Variants in ALDH1L1 observed in about 807,000 individuals in gnomAD.
The protein encoded by ALDH1L1 is cytosolic 10-formyltetrahydrofolate dehydrogenase.
In ALDH1L1, 68 loss-of-function variants were observed where a neutral mutation model predicts 101.1. The observed-to-expected ratio is 0.67, with a 90% confidence interval of 0.55 to 0.82. ALDH1L1 has a LOEUF of 0.82. Among genes scored for constraint, ALDH1L1 ranks in the 40% least tolerant of loss-of-function variants. ALDH1L1 has a pLI of 0.00. For missense variants in ALDH1L1, 1,087 were observed against 1,172.7 expected (o/e 0.93, Z 1.07); for synonymous variants, 486 against 470.8 (o/e 1.03, Z -0.42).
intron 20 of ALDH1L1, among the ~76,000 whole-genome samples, chr3:126,109,235 T>C (rs1226025418): frequency 6.6e-6 from 1 of 152,180 alleles, no homozygotes; most frequent in Non-Finnish European, 1.5e-5. Flanking sequence ...AAGACAGTCA[T>C]GGCACCTGTC....
chr3:126,161,526 G>A (rs922683540), intron 1 of ALDH1L1, among the ~76,000 whole-genome samples: 17 of 152,324 alleles, frequency 1.1e-4, no homozygotes, highest in African/African-American at 3.4e-4. Context: ...AGGGGCCTGC[G>A]TGGGGGCGCC....
chr3:126,118,812 C>G (rs1287420418), intron 16 of ALDH1L1, among the ~76,000 whole-genome samples: 1 of 152,122 alleles, frequency 6.6e-6, no homozygotes, highest in African/African-American at 2.4e-5. Flanking sequence ...AGAGGCCTTG[C>G]CACCTGCTGT....
At chr3:126,131,647 C>T in intron 12 of ALDH1L1, 113 bp from the exon 13 acceptor site, 1 of 1,261,114 alleles carries the variant, frequency 7.9e-7, no homozygotes, top group Non-Finnish European at 1.1e-6. Flanking sequence ...CCAGTTCTGC[C>T]ACTCTCAGAT....
intron 8 of ALDH1L1, among the ~76,000 whole-genome samples, chr3:126,149,135 A>G (rs919817382): frequency 6.6e-6 from 1 of 152,212 alleles, no homozygotes; most frequent in Non-Finnish European, 1.5e-5. Flanking sequence ...ACTGGAATAA[A>G]GTCTCTGTTC....
intron 9 of ALDH1L1, among the ~76,000 whole-genome samples, chr3:126,146,552 AG>A (rs2080686506): frequency 6.6e-6 from 1 of 152,166 alleles, no homozygotes; most frequent in Non-Finnish European, 1.5e-5. Flanking sequence ...CTATGAACTC[AG>A]TACTGTTCTT....
At chr3:126,141,433 C>T (rs1299663008) in intron 9 of ALDH1L1, among the ~76,000 whole-genome samples, 3 of 152,050 alleles carry the variant, frequency 2.0e-5, no homozygotes, top group Non-Finnish European at 4.4e-5. Flanking sequence ...GAACATTCTT[C>T]ATGATAAATC....
At chr3:126,165,661 T>C (rs2081152478) in intron 1 of ALDH1L1, among the ~76,000 whole-genome samples, 1 of 152,214 alleles carries the variant, frequency 6.6e-6, no homozygotes, top group Non-Finnish European at 1.5e-5. Context: ...GGAGATTGTG[T>C]GTTTCTAGGA....
chr3:126,186,778 G>A (rs1206469681), intron 1 of ALDH1L1, among the ~76,000 whole-genome samples: 1 of 152,168 alleles, frequency 6.6e-6, no homozygotes, highest in African/African-American at 2.4e-5. Flanking sequence ...TGGACCAGAG[G>A]GATCCGCAGA....
At chr3:126,127,361 G>A (rs1356900396) in intron 14 of ALDH1L1, among the ~76,000 whole-genome samples, 1 of 152,162 alleles carries the variant, frequency 6.6e-6, no homozygotes, top group African/African-American at 2.4e-5. Context: ...AGACTGAGTG[G>A]ACATCCAGTG....
At chr3:126,180,711 C>G (rs2081461264), upstream of ALDH1L1, 2 of 1,394,440 alleles carry the variant, frequency 1.4e-6, no homozygotes, top group African/African-American at 1.4e-5. Flanking sequence ...GAGCGCAGCG[C>G]ACCCTCTCCG....
intron 19 of ALDH1L1, among the ~76,000 whole-genome samples, chr3:126,111,922 G>A (rs1946091540): frequency 6.6e-6 from 1 of 152,196 alleles, no homozygotes; most frequent in Non-Finnish European, 1.5e-5. Context: ...GCTGAGGCCT[G>A]GCTCGTGTCA....
rs1199805492 is a variant in ALDH1L1, at chr3:126,125,628, G to C, written c.1788C>G (p.Ile596Met). The C allele has an allele frequency of 6.3e-7, 1 of 1,588,552 alleles. No individual in the cohort carries two copies. The highest frequency in any genetic ancestry group is 2.3e-5 in the East Asian group (1 of 43,170). The change falls in exon 15 of 23, where the codon ATC becomes ATG. Residue 596 changes from isoleucine (I) to methionine (M), a missense_variant. Ile to Met is a conservative substitution (Grantham distance 10, BLOSUM62 1). Around this residue, in one of 2 missense-constraint regions of ALDH1L1, gnomAD observed 442 missense variants for 535.7 expected, o/e 0.83. Coordinates refer to ENST00000393434, the MANE Select transcript of ALDH1L1 (RefSeq NM_012190.4). ...ACLAAGNTVV[I>M]KPAQVTPLTA... is the part of the protein sequence containing the mutation. ...AACCCACGCTCACCTGAGCAGGCTT[G>C]ATCACCACTGTGTTCCCGGCAGCCA... is the stretch of plus-strand genomic sequence containing the variant.
chr3:126,131,266 G>T, intron 13 of ALDH1L1, 118 bp downstream of exon 13: 1 of 1,288,668 alleles, frequency 7.8e-7, no homozygotes, highest in Non-Finnish European at 1.0e-6. Flanking sequence ...GTCATTCCAA[G>T]CCACCAGTTG....
intron 9 of ALDH1L1, among the ~76,000 whole-genome samples, chr3:126,140,804 A>C (rs1190587555): frequency 6.7e-6 from 1 of 150,178 alleles, no homozygotes; most frequent in Non-Finnish European, 1.5e-5. Flanking sequence ...AAAAGAAAGA[A>C]GGGAATCAAA....
At chr3:126,163,000 G>T (rs2108308067) in intron 1 of ALDH1L1, among the ~76,000 whole-genome samples, 1 of 152,296 alleles carries the variant, frequency 6.6e-6, no homozygotes, top group East Asian at 1.9e-4. Context: ...TAGTCAGTTT[G>T]TCTATCTTTG....
rs529834712 is a variant in ALDH1L1, at chr3:126,158,762, C to T, written c.128-123G>A. The T allele has an allele frequency of 9.2e-5, 82 of 890,886 alleles. No homozygotes were observed. In the South Asian group the frequency reaches 1.0e-3, roughly 11 times the overall value. The allele number at this position is 890,886 out of a possible 1,614,324, so 55.2% of individuals were successfully genotyped here. Reference sequence around the variant, plus strand: ...CATTCCTGCCCCCTCACCCACACCCCAGCCAGGCTCCACTGGGCAACACAG... The same window carrying T: ...CATTCCTGCCCCCTCACCCACACCCTAGCCAGGCTCCACTGGGCAACACAG... On this transcript the variant is annotated intron_variant, in intron 2 of 22. Transcript: ENST00000393434.
intron 21 of ALDH1L1, 110 bp from the exon 22 acceptor site, chr3:126,106,035 G>C: frequency 8.6e-7 from 1 of 1,163,192 alleles, no homozygotes; most frequent in South Asian, 1.5e-5. Flanking sequence ...CTTCCGAGGA[G>C]AAAATGTGCC....
rs762559435 is a variant in ALDH1L1, at chr3:126,117,727, G to C, written c.1982+278C>G. On this transcript the variant is annotated intron_variant, in intron 17 of 22. Coordinates refer to ENST00000393434, the MANE Select transcript of ALDH1L1 (RefSeq NM_012190.4). ...TGAGCTATTTCACTTTTTTGTGGGTGCTCAGTTCTTGAAATCCATGCGTGT... is the reference window on the plus strand; with the variant it reads ...TGAGCTATTTCACTTTTTTGTGGGTCCTCAGTTCTTGAAATCCATGCGTGT... Among the ~76,000 whole-genome samples the C allele has an allele frequency of 5.3e-5, 8 of 151,940 alleles. No homozygotes were observed. In the Middle Eastern group the frequency reaches 0.01, roughly 195 times the overall value.
rs746542127 is a variant in ALDH1L1, at chr3:126,130,282, G to A, written c.1635C>T (p.Ile545=). 3 of 1,609,988 alleles carry A rather than the reference G, an allele frequency of 1.9e-6. No homozygotes were observed. The highest frequency in any genetic ancestry group is 3.4e-5 in the Admixed American group (2 of 59,694). Residue 545 remains isoleucine (I), a synonymous_variant, in exon 14 of 23, where the codon ATC becomes ATT. Coordinates refer to ENST00000393434, the MANE Select transcript of ALDH1L1 (RefSeq NM_012190.4). Reference sequence around the variant, plus strand: ...GGTTGGGTCTGGCCTGGTTGATGGGGATGGTGGAGCCCTGGAAGAGGAACA... The same window carrying A: ...GGTTGGGTCTGGCCTGGTTGATGGGAATGGTGGAGCCCTGGAAGAGGAACA... ...GWCDKIQGST[I]PINQARPNRN...
Sources: gnomAD v4.1 joint callset for allele counts (sites outside exome capture counted in the v4.1 genomes callset) on GRCh38, gnomAD v4.1.1 for gene constraint, gnomAD v4.1.1 regional missense constraint, MANE v1.5 for transcripts, NCBI Gene and HGNC (gene_info 2026-07-23, HGNC 2026-07-21) for gene names.